The following APAF1 variants were observed in gnomAD, a reference collection of about 807,000 sequenced individuals.
The protein encoded by APAF1 is apoptotic peptidase activating factor 1.
In APAF1, 91 loss-of-function variants were observed where a neutral mutation model predicts 152.4. That is an observed-to-expected ratio of 0.60 (90% CI 0.50 to 0.71). APAF1 has a LOEUF of 0.71. Among genes scored for constraint, APAF1 ranks in the 30% least tolerant of loss-of-function variants. The pLI is 0.00. For synonymous variants in APAF1, 484 were observed against 494.1 expected, an observed-to-expected ratio of 0.98 and a Z score of 0.27; for missense variants, 1,283 against 1,472.0, an observed-to-expected ratio of 0.87 and a Z score of 2.10.
intron 15 of APAF1, 138 bp from the exon 16 acceptor site, chr12:98,686,610 C>A: frequency 3.7e-6 from 3 of 819,966 alleles, no homozygotes; most frequent in South Asian, 1.8e-5. Flanking sequence ...GTGTTTGATA[C>A]GTTTGTGTTA....
intron 19 of APAF1, 123 bp from the exon 20 acceptor site, chr12:98,708,462 A>G (rs1424286725): frequency 9.2e-6 from 9 of 974,892 alleles, no homozygotes; most frequent in East Asian, 2.6e-5. Flanking sequence ...TTGGATTATA[A>G]TCTAATATTG....
At chr12:98,647,619 C>G (rs2097643096) in intron 1 of APAF1, among the ~76,000 whole-genome samples, 1 of 151,924 alleles carries the variant, frequency 6.6e-6, no homozygotes, top group Non-Finnish European at 1.5e-5. Flanking sequence ...ATCCACCCGC[C>G]TCGGCCTCCC....
In APAF1 at chr12:98,666,351, G is replaced by A; in HGVS notation, c.1356G>A (p.Gln452=). The A allele has an allele frequency of 6.2e-7, 1 of 1,611,596 alleles. No homozygotes were observed. Among genetic ancestry groups the A allele is most frequent in the Non-Finnish European group, 8.5e-7 (1 of 1,179,358 alleles). The change falls in exon 9 of 27, where the codon CAG becomes CAA. Residue 452 remains glutamine, a synonymous_variant. Transcript: ENST00000551964. The part of the protein sequence containing the change: ...VDFLTEKNCS[Q]LQDLHKKIIT... ...TTCTTACAGAGAAGAATTGCAGCCA[G>A]CTTCAGGTACTTGCATCTTGGTTTA...
chr12:98,719,629 A>G (rs2097739607), intron 22 of APAF1, among the ~76,000 whole-genome samples: 1 of 151,650 alleles, frequency 6.6e-6, no homozygotes. Context: ...TGGGATTACA[A>G]GCGTAAGCCA....
chr12:98,704,023 T>A (rs41514747), intron 18 of APAF1, among the ~76,000 whole-genome samples: 1,916 of 152,348 alleles, frequency 0.013, 60 homozygotes, highest in East Asian at 0.074. Context: ...ATGTTCAGAA[T>A]GTATACCTAG....
At chr12:98,691,131 C>G (rs547285886) in intron 16 of APAF1, among the ~76,000 whole-genome samples, 3 of 152,076 alleles carry the variant, frequency 2.0e-5, no homozygotes, top group Non-Finnish European at 4.4e-5. Context: ...TGCTTGAACC[C>G]GGGAGGCGGA....
chr12:98,688,480 T>C (rs2153327651), intron 16 of APAF1, among the ~76,000 whole-genome samples: 1 of 149,494 alleles, frequency 6.7e-6, no homozygotes, highest in South Asian at 2.1e-4. Context: ...CTTTTTTTTT[T>C]TTTTTTTTGG....
At chr12:98,701,269 A>T (rs929141195) in intron 17 of APAF1, among the ~76,000 whole-genome samples, 11 of 152,150 alleles carry the variant, frequency 7.2e-5, no homozygotes, top group Admixed American at 2.6e-4. Context: ...TCATCTGTTG[A>T]TGGACACTTG....
intron 4 of APAF1, among the ~76,000 whole-genome samples, chr12:98,657,323 T>C (rs1216084790): frequency 6.6e-6 from 1 of 152,246 alleles, no homozygotes; most frequent in Non-Finnish European, 1.5e-5. Context: ...ATCATTCAGT[T>C]GCTTCTTAGC....
chr12:98,665,278 ATT>A (rs376318016), intron 7 of APAF1, among the ~76,000 whole-genome samples: 3,927 of 65,836 alleles, frequency 0.06, 105 homozygotes, highest in Middle Eastern at 0.1. Context: ...ATATATATAT[ATT>A]TTTTTTTTTT....
In APAF1 at chr12:98,671,208, G is replaced by C. The variant is rs1352775303; in HGVS notation, c.1608+122G>C. The C allele has an allele frequency of 5.6e-6, 4 of 720,570 alleles. No homozygotes were observed. The African/African-American group carries it at 7.2e-5, about 13-fold the overall frequency. The allele number at this position is 720,570 out of a possible 1,614,324, so 44.6% of individuals were successfully genotyped here. ...GGGGTGAAGATAATTTCCCTCCTTT[G>C]ATTTTTGGTTATTCTAATTAATTTG... On this transcript the variant is annotated intron_variant, in intron 11 of 26. Coordinates refer to ENST00000551964, the MANE Select transcript of APAF1 (RefSeq NM_181861.2).
chr12:98,721,785 T>C (rs1286535979), intron 22 of APAF1, among the ~76,000 whole-genome samples: 7 of 152,136 alleles, frequency 4.6e-5, no homozygotes, highest in African/African-American at 1.7e-4. Flanking sequence ...GGACGACTGC[T>C]AAATGTGGTG....
intron 13 of APAF1, among the ~76,000 whole-genome samples, chr12:98,679,172 A>C (rs780316558): frequency 2.6e-4 from 40 of 152,246 alleles, no homozygotes; most frequent in Admixed American, 7.8e-4. Flanking sequence ...GAAGCCCATA[A>C]AAGCCTCGGG....
chr12:98,735,426 G>A lies in APAF1; in HGVS notation c.*2860G>A. 2.3e-6 allele frequency: 1 copy of A among 426,236 alleles called. No homozygotes were observed. The highest frequency in any genetic ancestry group is 3.4e-5 in the East Asian group (1 of 29,486). 26.4% of individuals were successfully genotyped at this position (426,236 alleles called of 1,614,324 possible). Reference sequence around the variant, plus strand: ...AAAATAAAATTCACAAAATTGTTTTGAAAAACATTTTTGGATTGTTTCATT... The same window carrying A: ...AAAATAAAATTCACAAAATTGTTTTAAAAAACATTTTTGGATTGTTTCATT... On this transcript the variant is annotated 3_prime_UTR_variant, in exon 27 of 27. Coordinates refer to ENST00000551964, the MANE Select transcript of APAF1 (RefSeq NM_181861.2).
Position 98,713,024 on chromosome 12 carries a change from G to A in APAF1, c.2958+589G>A, listed in dbSNP as rs539740333. On this transcript the variant is annotated intron_variant, in intron 21 of 26. Transcript: ENST00000551964. Reference sequence around the variant, plus strand: ...TAGAGATGGAGGTTTCACCAGTGTTGCCCAGGCTGGCCTTAAACTCTTGGG... The same window carrying A: ...TAGAGATGGAGGTTTCACCAGTGTTACCCAGGCTGGCCTTAAACTCTTGGG... 3.3e-5 allele frequency among the ~76,000 whole-genome samples: 5 copies of A among 152,254 alleles called. 1 individual carries two copies. The highest frequency in any genetic ancestry group is 1.2e-4 in the African/African-American group (5 of 41,556).
intron 5 of APAF1, among the ~76,000 whole-genome samples, chr12:98,661,543 A>C (rs896961370): frequency 6.6e-6 from 1 of 151,766 alleles, no homozygotes; most frequent in Non-Finnish European, 1.5e-5. Flanking sequence ...ATGGTGCGAT[A>C]TCGGTTCACT....
At chr12:98,671,304 T>C (rs969776332) in intron 11 of APAF1, among the ~76,000 whole-genome samples, 1 of 152,108 alleles carries the variant, frequency 6.6e-6, no homozygotes, top group African/African-American at 2.4e-5. Context: ...TTCAGTGGTT[T>C]TTTTAAAAAA....
At chr12:98,665,931 C>A in intron 8 of APAF1, 140 bp downstream of exon 8, 2 of 809,874 alleles carry the variant, frequency 2.5e-6, no homozygotes, top group Non-Finnish European at 2.1e-6. Flanking sequence ...GTAGAAATCC[C>A]TCTGCTGTTA....
In APAF1 at chr12:98,734,861, A is replaced by C. The variant is rs2097767063; in HGVS notation, c.*2295A>C. 3.9e-6 allele frequency: 1 copy of C among 255,844 alleles called. No individual in the cohort carries two copies. The highest frequency in any genetic ancestry group is 7.3e-6 in the Non-Finnish European group (1 of 136,266). 15.8% of individuals were successfully genotyped at this position (255,844 alleles called of 1,614,324 possible). ...CTCATCTCATGTAGGCAGAGTATAA[A>C]GTATTACCTTTTGGAATTAAAAGCC... On this transcript the variant is annotated 3_prime_UTR_variant, in exon 27 of 27. Coordinates refer to ENST00000551964, the MANE Select transcript of APAF1 (RefSeq NM_181861.2).
Sources: gnomAD v4.1 joint callset for allele counts (sites outside exome capture counted in the v4.1 genomes callset) on GRCh38, gnomAD v4.1.1 for gene constraint, MANE v1.5 for transcripts, NCBI Gene and HGNC (gene_info 2026-07-23, HGNC 2026-07-21) for gene names.